The following ITGB6 variants were observed in gnomAD, a reference collection of about 807,000 sequenced individuals.
ITGB6 encodes the protein integrin beta-6.
A neutral mutation model predicts 84.5 loss-of-function variants in ITGB6; 80 were observed. The ratio of observed to expected loss-of-function variants is 0.95; its 90% CI spans 0.79 to 1.14. The LOEUF (loss-of-function observed/expected upper bound fraction) is 1.14. Ranked by LOEUF, ITGB6 falls within the 50% of genes most tolerant of loss-of-function variation. The probability of loss-of-function intolerance (pLI) is 0.00; values close to 1 mark genes in which losing one functional copy is unlikely to be tolerated. For missense variants in ITGB6, 1,006 were observed against 968.0 expected, an observed-to-expected ratio of 1.04 and a Z score of -0.52; for synonymous variants, 383 against 354.9, an observed-to-expected ratio of 1.08 and a Z score of -0.89.
chr2:160,199,345 C>A (rs1312309890), intron 1 of ITGB6, 87 bp from the exon 2 acceptor site: 1 of 951,444 alleles, frequency 1.1e-6, no homozygotes, highest in Non-Finnish European at 1.7e-6. Flanking sequence ...ATTACTTGAA[C>A]AAAACAACAT....
At chr2:160,131,954 T>G (rs1049763265) in intron 10 of ITGB6, among the ~76,000 whole-genome samples, 5 of 152,172 alleles carry the variant, frequency 3.3e-5, no homozygotes, top group Admixed American at 3.3e-4. Flanking sequence ...CAGCATTTTA[T>G]ACTGCCTTAG....
rs1686505744 is a variant in ITGB6 at position 160,200,241 on chromosome 2, A to G, written c.-178T>C. On this transcript the variant is annotated 5_prime_UTR_variant, in exon 1 of 15. Coordinates refer to ENST00000283249, the MANE Select transcript of ITGB6 (RefSeq NM_000888.5). ...TTAGAAAGTTTTCATTAAGACTGAA[A>G]TGAAAACAGAGGCTACCTGGACAGG... 3 of 555,204 alleles carry G rather than the reference A, an allele frequency of 5.4e-6. No homozygotes were observed. Among genetic ancestry groups the G allele is most frequent in the Non-Finnish European group, 9.4e-6 (3 of 318,934 alleles). 34.4% of individuals were successfully genotyped at this position (555,204 alleles called of 1,614,324 possible).
At chr2:160,179,858 G>A (rs1255289656) in intron 4 of ITGB6, among the ~76,000 whole-genome samples, 1 of 150,768 alleles carries the variant, frequency 6.6e-6, no homozygotes, top group Non-Finnish European at 1.5e-5. Flanking sequence ...AGCACTTTGG[G>A]AGGCAGAGAC....
intron 7 of ITGB6, among the ~76,000 whole-genome samples, chr2:160,166,118 A>AGAGGAAAG (rs1684991982): frequency 6.6e-6 from 1 of 152,188 alleles, no homozygotes. Context: ...TTTTGTCTCC[A>AGAGGAAAG]GAGGAAAGGT....
chr2:160,195,715 A>T, intron 3 of ITGB6, 100 bp from the exon 4 acceptor site: 1 of 1,262,514 alleles, frequency 7.9e-7, no homozygotes, highest in Non-Finnish European at 1.1e-6. Flanking sequence ...CCTCAATAAG[A>T]ACTTACTGAA....
At chr2:160,196,478 A>G in intron 2 of ITGB6, 58 bp from the exon 3 acceptor site, 2 of 1,421,786 alleles carry the variant, frequency 1.4e-6, no homozygotes, top group Non-Finnish European at 1.9e-6. Context: ...GAATTTCTTT[A>G]TAAGATACCA....
intron 7 of ITGB6, among the ~76,000 whole-genome samples, chr2:160,166,791 C>T (rs1281059184): frequency 1.3e-5 from 2 of 152,156 alleles, no homozygotes; most frequent in Non-Finnish European, 2.9e-5. Context: ...GTGCACACTA[C>T]AGCCATACTG....
intron 7 of ITGB6, among the ~76,000 whole-genome samples, chr2:160,142,783 C>T (rs534279796): frequency 6.6e-5 from 10 of 152,288 alleles, no homozygotes; most frequent in East Asian, 1.9e-4. Context: ...CTCCAGGCAT[C>T]GGGCATGGCC....
intron 7 of ITGB6, among the ~76,000 whole-genome samples, chr2:160,168,329 C>G (rs1365507575): frequency 2.0e-5 from 3 of 152,212 alleles, no homozygotes; most frequent in African/African-American, 7.2e-5. Flanking sequence ...GTTTCAGAAG[C>G]CCTGTGAAGT....
intron 5 of ITGB6, among the ~76,000 whole-genome samples, chr2:160,173,723 T>C (rs1159646479): frequency 6.6e-6 from 1 of 152,140 alleles, no homozygotes; most frequent in Non-Finnish European, 1.5e-5. Context: ...CATGCATAGC[T>C]ATTGTTTCAA....
chr2:160,116,630 A>G (rs1287878508), intron 12 of ITGB6, among the ~76,000 whole-genome samples: 1 of 152,008 alleles, frequency 6.6e-6, no homozygotes, highest in Non-Finnish European at 1.5e-5. Flanking sequence ...ACCAGCTAAC[A>G]TCATAATGAC....
Position 160,186,964 on chromosome 2 carries a change from G to A in ITGB6, c.593+8405C>T, listed in dbSNP as rs929879119. On this transcript the variant is annotated intron_variant, in intron 4 of 14. Transcript: ENST00000283249. ...GAACATCACACACCAGGGCCTGTCG[G>A]GGGGGTGGGAGGCTAGGGGGAGGGA... Among the ~76,000 whole-genome samples the A allele has an allele frequency of 5.3e-5, 8 of 151,920 alleles. No homozygotes were observed. In the East Asian group the frequency reaches 1.2e-3, roughly 22 times the overall value.
chr2:160,195,419 A>G lies in ITGB6; in HGVS notation c.543T>C (p.Pro181=). ...GTGTTGTTTTCACAAAAGGGGATAC[A>G]GGTTTTTCCACAAAAGATCCGAAGC... The part of the protein sequence containing the change: ...RLGFGSFVEK[P]VSPFVKTTPE... The change falls in exon 4 of 15, where the codon CCT becomes CCC. Residue 181 remains proline (P), a synonymous_variant. Coordinates refer to ENST00000283249, the MANE Select transcript of ITGB6 (RefSeq NM_000888.5). The G allele has an allele frequency of 6.2e-7, 1 of 1,614,216 alleles. No individual in the cohort carries two copies. The highest frequency in any genetic ancestry group is 1.3e-5 in the African/African-American group (1 of 75,066).
intron 7 of ITGB6, among the ~76,000 whole-genome samples, chr2:160,161,985 A>C (rs1015316594): frequency 6.6e-6 from 1 of 152,248 alleles, no homozygotes; most frequent in African/African-American, 2.4e-5. Context: ...CAGAATGAAC[A>C]CATTGCCAGT....
chr2:160,106,531 C>A (rs192117208), intron 14 of ITGB6, among the ~76,000 whole-genome samples: 33 of 152,314 alleles, frequency 2.2e-4, no homozygotes, highest in Non-Finnish European at 1.5e-4. Context: ...AGCCACCATG[C>A]CCAGCCTTTT....
intron 4 of ITGB6, among the ~76,000 whole-genome samples, chr2:160,183,915 A>G (rs1029012482): frequency 6.6e-6 from 1 of 152,212 alleles, no homozygotes; most frequent in Non-Finnish European, 1.5e-5. Flanking sequence ...GAAATAAAGA[A>G]GTTCTTTGAA....
chr2:160,183,864 A>C (rs778681014), intron 4 of ITGB6, among the ~76,000 whole-genome samples: 9 of 152,020 alleles, frequency 5.9e-5, no homozygotes, highest in Non-Finnish European at 1.3e-4. Flanking sequence ...CTACATGGAA[A>C]CTGAACAACA....
rs1374844016 is a variant in ITGB6 at position 160,115,447 on chromosome 2, G to A, written c.1982-3248C>T. 2.0e-5 allele frequency among the ~76,000 whole-genome samples: 3 copies of A among 152,116 alleles called. No individual in the cohort carries two copies. In the South Asian group the frequency reaches 6.2e-4, roughly 32 times the overall value. On this transcript the variant is annotated intron_variant, in intron 12 of 14. Transcript: ENST00000283249. ...CAAACTCCAACAGACCTGCAGCTGA[G>A]GGTCCTGTCTGTTAGAAGGAAAACT... is the stretch of plus-strand genomic sequence containing the variant.
At chr2:160,109,271 G>A (rs1697028137) in intron 13 of ITGB6, among the ~76,000 whole-genome samples, 1 of 152,212 alleles carries the variant, frequency 6.6e-6, no homozygotes, top group South Asian at 2.1e-4. Flanking sequence ...AGCTATTACT[G>A]TATGAAGATC....
Sources: allele counts gnomAD v4.1 joint callset (sites outside exome capture counted in the v4.1 genomes callset), GRCh38; gene constraint gnomAD v4.1.1; transcripts MANE v1.5; gene names NCBI Gene and HGNC (gene_info 2026-07-23, HGNC 2026-07-21).